The following IFT80 variants were observed in gnomAD, a reference collection of about 807,000 sequenced individuals.
IFT80 encodes intraflagellar transport protein 80 homolog.
A neutral mutation model predicts 107.9 loss-of-function variants in IFT80; 79 were observed. The observed-to-expected ratio is 0.73, with a 90% CI of 0.61 to 0.88. The LOEUF (loss-of-function observed/expected upper bound fraction) is 0.88, where lower values mean the gene tolerates loss of function less well. IFT80 is among the 40% of genes least tolerant of loss of function. The probability of loss-of-function intolerance (pLI) is 0.00; values close to 1 mark genes in which losing one functional copy is unlikely to be tolerated. For synonymous variants in IFT80, 299 were observed against 300.9 expected, an observed-to-expected ratio of 0.99 and a Z score of 0.07; for missense variants, 797 against 914.2, an observed-to-expected ratio of 0.87 and a Z score of 1.65.
chr3:160,352,535 G>A (rs535530590), intron 8 of IFT80, among the ~76,000 whole-genome samples: 62 of 152,190 alleles, frequency 4.1e-4, no homozygotes, highest in African/African-American at 1.4e-3. Context: ...AGTGCCCTCT[G>A]AGGACAGCCT....
chr3:160,382,257 T>G (rs1712575916), intron 2 of IFT80, among the ~76,000 whole-genome samples: 1 of 152,156 alleles, frequency 6.6e-6, no homozygotes, highest in East Asian at 1.9e-4. Context: ...ATCATAACAA[T>G]TCACCTAGGA....
chr3:160,307,803 A>G (rs201756540), intron 9 of IFT80, 22 bp from the exon 10 acceptor site: 15 of 1,186,454 alleles, frequency 1.3e-5, no homozygotes, highest in South Asian at 2.4e-5. Flanking sequence ...AAAATAAAAT[A>G]CCAATAAACA....
chr3:160,362,048 G>C (rs1721528219), intron 6 of IFT80, among the ~76,000 whole-genome samples: 1 of 152,114 alleles, frequency 6.6e-6, no homozygotes, highest in Non-Finnish European at 1.5e-5. Context: ...GAAGGAGATA[G>C]AGACACAAAA....
At chr3:160,356,413 ACT>A (rs1397916957) in intron 7 of IFT80, among the ~76,000 whole-genome samples, 16 of 152,192 alleles carry the variant, frequency 1.1e-4, no homozygotes, top group Non-Finnish European at 5.9e-5. Flanking sequence ...ATTTTATAAC[ACT>A]GTCATAATTT....
At chr3:160,264,084 G>C (rs1576719001) in intron 19 of IFT80, among the ~76,000 whole-genome samples, 1 of 151,722 alleles carries the variant, frequency 6.6e-6, no homozygotes, top group Admixed American at 6.6e-5. Context: ...TTACAGGCTT[G>C]AGCCACTGCG....
intron 6 of IFT80, among the ~76,000 whole-genome samples, chr3:160,361,733 C>T (rs2108369805): frequency 6.6e-6 from 1 of 152,258 alleles, no homozygotes; most frequent in African/African-American, 2.4e-5. Flanking sequence ...CACTCAAAAC[C>T]ACTCAACTAC....
chr3:160,386,633 C>T (rs537909192), intron 1 of IFT80, among the ~76,000 whole-genome samples: 1 of 152,272 alleles, frequency 6.6e-6, no homozygotes, highest in African/African-American at 2.4e-5. Flanking sequence ...CTAAAATACA[C>T]AGCAAATCTG....
In IFT80 at chr3:160,375,705, C is replaced by G. The variant is rs569926179; in HGVS notation, c.439+107G>C. 6 of 754,610 alleles carry G rather than the reference C, an allele frequency of 8.0e-6. No individual in the cohort carries two copies. In the Admixed American group the frequency reaches 1.1e-4, roughly 14 times the overall value. 46.7% of individuals were successfully genotyped at this position (754,610 alleles called of 1,614,324 possible). On this transcript the variant is annotated intron_variant, in intron 5 of 19. Coordinates refer to ENST00000326448, the MANE Select transcript of IFT80 (RefSeq NM_020800.3). ...TAAGAGATTACTGTTTTGAACTCAA[C>G]CAAAGTCAGTCTCAACCACCGTATT...
chr3:160,260,651 G>T (rs1192135831), intron 19 of IFT80, among the ~76,000 whole-genome samples: 1 of 152,138 alleles, frequency 6.6e-6, no homozygotes, highest in Non-Finnish European at 1.5e-5. Context: ...TCGTGGATTA[G>T]AATATTTTTA....
chr3:160,318,959 C>T (rs1004253779), intron 9 of IFT80, among the ~76,000 whole-genome samples: 19 of 151,976 alleles, frequency 1.3e-4, no homozygotes, highest in Non-Finnish European at 7.4e-5. Context: ...TCTGAAGACA[C>T]AGGGACACAG....
At chr3:160,322,649 C>A (rs1281313627) in intron 8 of IFT80, among the ~76,000 whole-genome samples, 1 of 152,022 alleles carries the variant, frequency 6.6e-6, no homozygotes. Context: ...TACAGTCCCA[C>A]CAACAGTGTA....
chr3:160,308,135 T>A (rs1376880679), intron 9 of IFT80, among the ~76,000 whole-genome samples: 1 of 152,204 alleles, frequency 6.6e-6, no homozygotes, highest in Non-Finnish European at 1.5e-5. Flanking sequence ...TTCTATGTGA[T>A]TTCTGCCCAA....
intron 1 of IFT80, 84 bp from the exon 2 acceptor site, chr3:160,384,730 C>T: frequency 1.0e-6 from 1 of 1,004,336 alleles, no homozygotes; most frequent in Non-Finnish European, 1.5e-6. Flanking sequence ...AACAAAACAT[C>T]ATTGCACCCC....
chr3:160,363,044 A>C (rs1047521717), intron 6 of IFT80, among the ~76,000 whole-genome samples: 2 of 152,340 alleles, frequency 1.3e-5, no homozygotes, highest in Admixed American at 6.5e-5. Context: ...AAGGAAATAA[A>C]GGGTATTCAA....
At position 160,331,956 on chromosome 3, in the gene IFT80, C is replaced by T. The variant is rs928382359; in HGVS notation, c.778-12017G>A. On this transcript the variant is annotated intron_variant, in intron 8 of 19. Coordinates refer to ENST00000326448, the MANE Select transcript of IFT80 (RefSeq NM_020800.3). ...ACAGGCATAAGCCACCACGCCTGGC[C>T]TCTCCTTGTAATTTTGTGGTTGTTG... Among the ~76,000 whole-genome samples the T allele has an allele frequency of 2.6e-5, 4 of 152,122 alleles. No individual in the cohort carries two copies. The East Asian group carries it at 5.8e-4, about 22-fold the overall frequency.
At chr3:160,266,599 G>T (rs1477745227) in intron 19 of IFT80, among the ~76,000 whole-genome samples, 2 of 151,998 alleles carry the variant, frequency 1.3e-5, no homozygotes, top group Admixed American at 1.3e-4. Context: ...GCCTAAGCTG[G>T]TCTCAAACTC....
chr3:160,374,283 C>T (rs1005154701), intron 5 of IFT80, among the ~76,000 whole-genome samples: 4 of 151,902 alleles, frequency 2.6e-5, no homozygotes, highest in African/African-American at 2.4e-5. Context: ...CGGCTCTACA[C>T]ATGTACTCCC....
chr3:160,261,588 C>A (rs1712836042), intron 19 of IFT80, among the ~76,000 whole-genome samples: 1 of 149,218 alleles, frequency 6.7e-6, no homozygotes, highest in African/African-American at 2.5e-5. Context: ...TTGCTTGAGC[C>A]CAGGAGTTCA....
intron 8 of IFT80, among the ~76,000 whole-genome samples, chr3:160,351,740 T>G (rs181839359): frequency 7.1e-6 from 1 of 141,794 alleles, no homozygotes; most frequent in East Asian, 2.0e-4. Context: ...ATGATAACTG[T>G]ATAAAAGGAT....
Sources: gnomAD v4.1 joint callset for allele counts (sites outside exome capture counted in the v4.1 genomes callset) on GRCh38, gnomAD v4.1.1 for gene constraint, MANE v1.5 for transcripts, NCBI Gene and HGNC (gene_info 2026-07-23, HGNC 2026-07-21) for gene names.